OSBPL6: variants seen among roughly 807,000 people sequenced by gnomAD.
OSBPL6 encodes oxysterol-binding protein-related protein 6.
OSBPL6 carries 49 observed loss-of-function variants against 125.8 expected under a neutral mutation model. That is an observed-to-expected ratio of 0.39 (90% CI 0.31 to 0.49). The LOEUF is 0.49. Among genes scored for constraint, OSBPL6 ranks in the 20% least tolerant of loss-of-function variants. OSBPL6 has a pLI of 0.88. For missense variants in OSBPL6, 986 were observed against 1,135.4 expected (o/e 0.87, Z 1.89); for synonymous variants, 394 against 391.8 (o/e 1.01, Z -0.07).
intron 3 of OSBPL6, among the ~76,000 whole-genome samples, chr2:178,320,651 C>T (rs1688157231): frequency 6.6e-6 from 1 of 152,148 alleles, no homozygotes; most frequent in Non-Finnish European, 1.5e-5. Context: ...AATTATACCA[C>T]AAATTATGAT....
intron 12 of OSBPL6, among the ~76,000 whole-genome samples, chr2:178,358,681 T>C (rs951489357): frequency 3.3e-5 from 5 of 152,148 alleles, no homozygotes; most frequent in Non-Finnish European, 7.3e-5. Context: ...TCCTTGACAT[T>C]GTTCTTGGCA....
intron 8 of OSBPL6, among the ~76,000 whole-genome samples, chr2:178,334,880 T>A (rs1018867028): frequency 1.3e-5 from 2 of 152,158 alleles, no homozygotes; most frequent in African/African-American, 4.8e-5. Context: ...TTAATTATCT[T>A]TTTTCTAGGA....
chr2:178,318,194 T>TG (rs1242282232), intron 3 of OSBPL6, among the ~76,000 whole-genome samples: 2 of 152,222 alleles, frequency 1.3e-5, no homozygotes, highest in African/African-American at 4.8e-5. Context: ...ATGGACCACT[T>TG]GATGGGTCCA....
At chr2:178,241,612 C>A (rs566377832) in intron 1 of OSBPL6, among the ~76,000 whole-genome samples, 1 of 152,128 alleles carries the variant, frequency 6.6e-6, no homozygotes, top group East Asian at 1.9e-4. Context: ...GACGGGGTTT[C>A]TCCATGTTGG....
chr2:178,326,174 TGCATTCACCTGCTAAA>T (rs911838331), intron 4 of OSBPL6, among the ~76,000 whole-genome samples: 2 of 151,620 alleles, frequency 1.3e-5, no homozygotes, highest in African/African-American at 2.4e-5. Context: ...CTAAGCTTGA[TGCATTCACCTGCTAAA>T]GCATTTTTAT....
At chr2:178,249,189 C>T (rs1011683407) in intron 1 of OSBPL6, among the ~76,000 whole-genome samples, 1 of 152,236 alleles carries the variant, frequency 6.6e-6, no homozygotes, top group Non-Finnish European at 1.5e-5. Flanking sequence ...ATCCACCCAC[C>T]TCAGCATCCC....
chr2:178,207,609 A>C (rs971627856), intron 1 of OSBPL6, among the ~76,000 whole-genome samples: 6 of 152,188 alleles, frequency 3.9e-5, no homozygotes, highest in Non-Finnish European at 8.8e-5. Context: ...GTACATCTGC[A>C]TCAGGAGATG....
At chr2:178,224,368 G>A (rs1345206736) in intron 1 of OSBPL6, among the ~76,000 whole-genome samples, 1 of 152,128 alleles carries the variant, frequency 6.6e-6, no homozygotes, top group East Asian at 1.9e-4. Flanking sequence ...AAAATCCATG[G>A]CCAATAAATG....
intron 11 of OSBPL6, chr2:178,344,511 T>A: frequency 1.4e-6 from 1 of 691,806 alleles, no homozygotes; most frequent in Admixed American, 2.7e-5. Flanking sequence ...TCTCTGGCTG[T>A]CTTTGCATGG....
chr2:178,212,623 T>C lies in OSBPL6; in HGVS notation c.-351+17949T>C, dbSNP rs532943500. ...ACAGTAATCAGTGAGGTGATACTTA[T>C]TGTATAAAACACCTTAGCTGGAAAT... On this transcript the variant is annotated intron_variant, in intron 1 of 24. Coordinates refer to ENST00000190611, the MANE Select transcript of OSBPL6 (RefSeq NM_032523.4). Among the ~76,000 whole-genome samples, 6 of 152,358 alleles carry C rather than the reference T, an allele frequency of 3.9e-5. No individual in the cohort carries two copies. The South Asian group carries it at 1.2e-3, about 32-fold the overall frequency.
rs755944128 is a variant in OSBPL6, at chr2:178,337,949, C to CTTTTTTT, written c.791-1038_791-1032dup. ...AATAAGAAAAGTAACTCAGTATTCT[C>CTTTTTTT]TTTTTTTTTTGAGACGGAGTCTTGC... On this transcript the variant is annotated intron_variant, in intron 9 of 24. Coordinates refer to ENST00000190611, the MANE Select transcript of OSBPL6 (RefSeq NM_032523.4). Among the ~76,000 whole-genome samples, 7 of 139,148 alleles carry CTTTTTTT rather than the reference C, an allele frequency of 5.0e-5. 1 individual carries two copies. Among genetic ancestry groups the CTTTTTTT allele is most frequent in the African/African-American group, 1.9e-4 (7 of 37,074 alleles). 91.3% of individuals were successfully genotyped at this position (139,148 alleles called of 152,430 possible).
At chr2:178,255,824 T>C (rs1486260835) in intron 1 of OSBPL6, among the ~76,000 whole-genome samples, 1 of 152,256 alleles carries the variant, frequency 6.6e-6, no homozygotes, top group African/African-American at 2.4e-5. Flanking sequence ...ATTCAGTTTC[T>C]CTGCTTTCCC....
chr2:178,338,622 G>A (rs1038777992), intron 9 of OSBPL6, among the ~76,000 whole-genome samples: 1 of 152,138 alleles, frequency 6.6e-6, no homozygotes, highest in African/African-American at 2.4e-5. Context: ...ATCTTCTAAA[G>A]CATGTTAGAG....
intron 3 of OSBPL6, among the ~76,000 whole-genome samples, chr2:178,318,940 CT>C (rs1428369010): frequency 6.6e-6 from 1 of 152,198 alleles, no homozygotes; most frequent in Non-Finnish European, 1.5e-5. Flanking sequence ...GTGTGCCAGC[CT>C]TTGGGCAGCA....
chr2:178,244,255 C>T (rs1283415189), intron 1 of OSBPL6, among the ~76,000 whole-genome samples: 2 of 152,188 alleles, frequency 1.3e-5, no homozygotes, highest in Non-Finnish European at 2.9e-5. Flanking sequence ...TTCACTGTCA[C>T]TTCCTCTGAG....
At chr2:178,200,959 T>C (rs2089222988) in intron 1 of OSBPL6, among the ~76,000 whole-genome samples, 1 of 152,016 alleles carries the variant, frequency 6.6e-6, no homozygotes, top group Non-Finnish European at 1.5e-5. Flanking sequence ...CACGCCTGGC[T>C]AATTTTTTGT....
intron 20 of OSBPL6, 95 bp downstream of exon 20, chr2:178,387,234 T>C (rs1695024727): frequency 1.1e-6 from 1 of 948,152 alleles, no homozygotes; most frequent in Non-Finnish European, 1.5e-6. Context: ...GGTTTCTTTC[T>C]CTTTATACCC....
At chr2:178,321,443 C>G (rs920401515) in intron 3 of OSBPL6, among the ~76,000 whole-genome samples, 15 of 152,100 alleles carry the variant, frequency 9.9e-5, no homozygotes, top group Admixed American at 9.2e-4. Flanking sequence ...CATTCAATTA[C>G]TTAGATATTT....
chr2:178,270,261 T>A (rs2092347692), intron 1 of OSBPL6, among the ~76,000 whole-genome samples: 1 of 152,186 alleles, frequency 6.6e-6, no homozygotes, highest in South Asian at 2.1e-4. Flanking sequence ...TGGAGAGAGA[T>A]GAACAGGGAG....
Sources: allele counts gnomAD v4.1 joint callset (sites outside exome capture counted in the v4.1 genomes callset), GRCh38; gene constraint gnomAD v4.1.1; transcripts MANE v1.5; gene names NCBI Gene and HGNC (gene_info 2026-07-23, HGNC 2026-07-21).